COMMD1: variants seen among roughly 807,000 people sequenced by gnomAD.
The protein encoded by COMMD1 is COMM domain-containing protein 1.
COMMD1 carries 10 observed loss-of-function variants against 17.2 expected under a neutral mutation model. That is an observed-to-expected ratio of 0.58 (90% CI 0.36 to 0.99). The LOEUF (loss-of-function observed/expected upper bound fraction) is 0.99. COMMD1 is among the 50% of genes least tolerant of loss of function. COMMD1 has a pLI of 0.01. For missense variants in COMMD1, 270 were observed against 231.8 expected (o/e 1.17, Z -1.07); for synonymous variants, 97 against 91.6 (o/e 1.06, Z -0.34).
intron 2 of COMMD1, among the ~76,000 whole-genome samples, chr2:62,063,067 A>G (rs1670914749): frequency 6.6e-6 from 1 of 151,880 alleles, no homozygotes; most frequent in Non-Finnish European, 1.5e-5. Flanking sequence ...AAATACAAAA[A>G]TTAGCTGGGT....
chr2:61,951,223 G>A (rs1355122227), intron 1 of COMMD1, among the ~76,000 whole-genome samples: 1 of 152,156 alleles, frequency 6.6e-6, no homozygotes. Context: ...CAGCACTTCG[G>A]GAGGTGGAGG....
At chr2:62,067,746 G>A (rs1012862004) in intron 2 of COMMD1, among the ~76,000 whole-genome samples, 1 of 152,258 alleles carries the variant, frequency 6.6e-6, no homozygotes, top group Non-Finnish European at 1.5e-5. Context: ...GCCTTTCTCT[G>A]TAAGATTCCT....
chr2:61,911,519 T>C (rs35287979), intron 1 of COMMD1, among the ~76,000 whole-genome samples: 16,797 of 152,148 alleles, frequency 0.11, 2,142 homozygotes, highest in African/African-American at 0.31. Context: ...TCACGCAGGC[T>C]GGAGCGCAGT....
At chr2:62,063,752 A>G (rs1670941115) in intron 2 of COMMD1, among the ~76,000 whole-genome samples, 1 of 151,346 alleles carries the variant, frequency 6.6e-6, no homozygotes, top group African/African-American at 2.4e-5. Context: ...TGGAGACTTC[A>G]ATATAGTGAT....
At chr2:61,901,887 A>T (rs1248369688), upstream of COMMD1, among the ~76,000 whole-genome samples, 1 of 152,032 alleles carries the variant, frequency 6.6e-6, no homozygotes, top group Non-Finnish European at 1.5e-5. Flanking sequence ...AGGCTGGAGT[A>T]CAGTGGCATG....
chr2:62,045,865 T>C lies in COMMD1; in HGVS notation c.462+44883T>C, dbSNP rs536661566. Among the ~76,000 whole-genome samples the C allele has an allele frequency of 2.0e-5, 3 of 149,638 alleles. No homozygotes were observed. In the East Asian group the frequency reaches 5.9e-4, roughly 30 times the overall value. Reference sequence around the variant, plus strand: ...AATTCTCCTGCCTCAGCCTCCCGAGTAGCTGGGATTACCAGTGACCACCAC... The same window carrying C: ...AATTCTCCTGCCTCAGCCTCCCGAGCAGCTGGGATTACCAGTGACCACCAC... On this transcript the variant is annotated intron_variant, in intron 2 of 2. Coordinates refer to ENST00000311832, the MANE Select transcript of COMMD1 (RefSeq NM_152516.4).
Position 61,921,888 on chromosome 2 carries a change from GT to G in COMMD1, c.180+16036del, listed in dbSNP as rs376417301. ...CTTAGAGGTGCAAACTGGAAGATTG[GT>G]TTTTTAAACTATTATTTAACTTTAC... On this transcript the variant is annotated intron_variant, in intron 1 of 2. Transcript: ENST00000311832. Among the ~76,000 whole-genome samples, 779 of 152,220 alleles carry G rather than the reference GT, an allele frequency of 5.1e-3. 10 individuals carry two copies. The highest frequency in any genetic ancestry group is 0.017 in the African/African-American group (698 of 41,540).
chr2:62,008,359 CAG>C (rs1304251102), intron 2 of COMMD1, among the ~76,000 whole-genome samples: 1 of 145,598 alleles, frequency 6.9e-6, no homozygotes, highest in African/African-American at 2.7e-5. Context: ...CACACACAGA[CAG>C]ACACACACAC....
upstream of COMMD1, among the ~76,000 whole-genome samples, chr2:61,902,647 C>A (rs1016661366): frequency 1.3e-5 from 2 of 152,042 alleles, no homozygotes; most frequent in Non-Finnish European, 2.9e-5. Context: ...CGAATTAAAA[C>A]AGTGAGATAA....
intron 2 of COMMD1, among the ~76,000 whole-genome samples, chr2:62,123,608 T>C (rs1025512011): frequency 6.6e-6 from 1 of 151,516 alleles, no homozygotes; most frequent in African/African-American, 2.4e-5. Flanking sequence ...GATCAGCAAA[T>C]CTGAATAACT....
At chr2:62,053,092 A>G (rs1558578715) in intron 2 of COMMD1, among the ~76,000 whole-genome samples, 1 of 152,142 alleles carries the variant, frequency 6.6e-6, no homozygotes, top group Non-Finnish European at 1.5e-5. Context: ...ACAGAAAACA[A>G]AAAGTATCAT....
At chr2:62,060,341 TAAATAA>T (rs963251003) in intron 2 of COMMD1, among the ~76,000 whole-genome samples, 4 of 151,998 alleles carry the variant, frequency 2.6e-5, no homozygotes, top group African/African-American at 9.7e-5. Flanking sequence ...CAAAAATAAA[TAAATAA>T]ATAAAACAAT....
At chr2:61,916,781 A>G (rs1670063091) in intron 1 of COMMD1, among the ~76,000 whole-genome samples, 1 of 152,154 alleles carries the variant, frequency 6.6e-6, no homozygotes, top group African/African-American at 2.4e-5. Flanking sequence ...AAAATGCAGT[A>G]TTTGGAATGT....
chr2:62,063,364 G>A (rs1259569906), intron 2 of COMMD1, among the ~76,000 whole-genome samples: 1 of 152,106 alleles, frequency 6.6e-6, no homozygotes, highest in Non-Finnish European at 1.5e-5. Flanking sequence ...CTAATTTTTT[G>A]TATTTTTAGT....
intron 2 of COMMD1, among the ~76,000 whole-genome samples, chr2:62,074,306 C>CTAAT (rs1160406151): frequency 2.0e-5 from 3 of 152,328 alleles, no homozygotes; most frequent in Admixed American, 2.0e-4. Context: ...CGAGGTTGGG[C>CTAAT]TAATATTAAC....
At chr2:62,100,679 A>C (rs940686458) in intron 2 of COMMD1, among the ~76,000 whole-genome samples, 1 of 152,216 alleles carries the variant, frequency 6.6e-6, no homozygotes, top group African/African-American at 2.4e-5. Flanking sequence ...GTCCAGGTTA[A>C]GGTAAAAGAT....
At chr2:62,115,967 C>T (rs967308955) in intron 2 of COMMD1, among the ~76,000 whole-genome samples, 1 of 151,006 alleles carries the variant, frequency 6.6e-6, no homozygotes, top group Non-Finnish European at 1.5e-5. Flanking sequence ...ATTCTCTCAC[C>T]TCAGCCTCCC....
At chr2:61,905,898 C>A (rs2105170021) in intron 1 of COMMD1, 40 bp downstream of exon 1, 1 of 1,603,482 alleles carries the variant, frequency 6.2e-7, no homozygotes, top group Non-Finnish European at 8.5e-7. Flanking sequence ...GGAGCAGAAC[C>A]CCTTGGCCGC....
chr2:61,944,093 A>C (rs1471694435), intron 1 of COMMD1, among the ~76,000 whole-genome samples: 1 of 152,170 alleles, frequency 6.6e-6, no homozygotes. Context: ...AGTTCCTCAC[A>C]CAAATGTGCA....
Sources: gnomAD v4.1 joint callset for allele counts (sites outside exome capture counted in the v4.1 genomes callset) on GRCh38, gnomAD v4.1.1 for gene constraint, MANE v1.5 for transcripts, NCBI Gene and HGNC (gene_info 2026-07-23, HGNC 2026-07-21) for gene names.